The following TDRD10 variants were observed in gnomAD, a reference collection of about 807,000 sequenced individuals.
TDRD10 encodes the protein tudor domain containing 10.
In TDRD10, 40 loss-of-function variants were observed where a neutral mutation model predicts 48.0. That is an observed-to-expected ratio of 0.83 (90% CI 0.65 to 1.09). TDRD10 has a LOEUF of 1.09. TDRD10 is among the 50% of genes least tolerant of loss of function. TDRD10 has a pLI of 0.00. For missense variants in TDRD10, 378 were observed against 434.7 expected, an observed-to-expected ratio of 0.87 and a Z score of 1.16; for synonymous variants, 162 against 170.4, an observed-to-expected ratio of 0.95 and a Z score of 0.38.
At chr1:154,521,660 T>C (rs903161238) in intron 6 of TDRD10, among the ~76,000 whole-genome samples, 181 bp downstream of exon 6, 15 of 152,194 alleles carry the variant, frequency 9.9e-5, no homozygotes, top group African/African-American at 3.6e-4. Flanking sequence ...AGGTCAGATG[T>C]GGAAAACTTG....
intron 3 of TDRD10, among the ~76,000 whole-genome samples, chr1:154,507,811 T>C (rs546423259): frequency 1.3e-5 from 2 of 152,320 alleles, no homozygotes; most frequent in African/African-American, 4.8e-5. Flanking sequence ...GTCCTGGCTA[T>C]GAGCAATTTC....
rs921684934 is a variant in TDRD10, at chr1:154,533,371, T to C, written c.370-8653T>C. Among the ~76,000 whole-genome samples, 74 of 136,022 alleles carry C rather than the reference T, an allele frequency of 5.4e-4. 1 individual carries two copies. The East Asian group carries it at 9.7e-3, about 18-fold the overall frequency. 89.2% of individuals were successfully genotyped at this position (136,022 alleles called of 152,430 possible). A position where few individuals can be genotyped will look rare whatever the true frequency, so the allele number is the denominator to read the frequency against. On this transcript the variant is annotated intron_variant, in intron 6 of 12. Transcript: ENST00000368482. ...TTGTTGGGTTTTTTTTTTTTTTTTT[T>C]CTGGACCTACTGGTGTTTCTGGGTT...
chr1:154,525,696 C>A (rs111623063), intron 6 of TDRD10, among the ~76,000 whole-genome samples: 10,427 of 152,176 alleles, frequency 0.069, 1,220 homozygotes, highest in African/African-American at 0.24. Context: ...GAGTTCAAGA[C>A]CAGCCTAGCC....
chr1:154,530,398 C>CTTT (rs111392341), intron 6 of TDRD10, among the ~76,000 whole-genome samples: 5 of 120,778 alleles, frequency 4.1e-5, no homozygotes, highest in Non-Finnish European at 5.3e-5. Context: ...TGGTTTCCTT[C>CTTT]TTTTTTTTTT....
intron 6 of TDRD10, among the ~76,000 whole-genome samples, chr1:154,529,935 T>C (rs1694520347): frequency 6.6e-6 from 1 of 152,244 alleles, no homozygotes. Context: ...TTAGGGTAGG[T>C]CTGCTAGTAA....
chr1:154,517,795 C>G (rs1693856230), intron 4 of TDRD10, among the ~76,000 whole-genome samples: 1 of 152,078 alleles, frequency 6.6e-6, no homozygotes, highest in Non-Finnish European at 1.5e-5. Flanking sequence ...TTTTTGCTTC[C>G]TCAAGCAGAG....
At position 154,542,063 on chromosome 1, in the gene TDRD10, G is replaced by T; in HGVS notation, c.409G>T (p.Ala137Ser). 3 of 1,613,794 alleles carry T rather than the reference G, an allele frequency of 1.9e-6. No homozygotes were observed. The South Asian group carries it at 3.3e-5, about 18-fold the overall frequency. ...TTCTGGTGAAGGATTTGGCAAAACC[G>T]CCGGTGAGATTCTGCGCTGCCATCC... ...KASGEGFGKT[A>S]AIIQLAPKAP... The change falls in exon 7 of 13, where the codon GCC becomes TCC. Residue 137 changes from alanine (A) to serine (S), a missense_variant. By Grantham distance (99) the Ala-to-Ser change is moderately conservative. This residue lies in a region of TDRD10 where 310 missense variants were observed against 323.6 expected (regional missense o/e 0.96). Coordinates refer to ENST00000368482, the MANE Select transcript of TDRD10 (RefSeq NM_182499.4).
At chr1:154,507,151 T>C in intron 2 of TDRD10, 90 bp from the exon 3 acceptor site, 1 of 1,571,458 alleles carries the variant, frequency 6.4e-7, no homozygotes, top group Non-Finnish European at 8.6e-7. Flanking sequence ...AATGGAGGTT[T>C]ATGCAAGGCC....
rs544156516 is a variant in TDRD10 at position 154,543,141 on chromosome 1, G to C, written c.503+320G>C. 2.6e-5 allele frequency among the ~76,000 whole-genome samples: 4 copies of C among 152,272 alleles called. No individual in the cohort carries two copies. In the South Asian group the frequency reaches 8.3e-4, roughly 32 times the overall value. On this transcript the variant is annotated intron_variant, in intron 8 of 12. Coordinates refer to ENST00000368482, the MANE Select transcript of TDRD10 (RefSeq NM_182499.4). ...AAATAAAAAATTAGCCGGGCATGGT[G>C]GTGGGCATCTGTAGTCCCAGCTACT... is the stretch of plus-strand genomic sequence containing the variant.
chr1:154,506,790 A>T (rs1245884942), intron 1 of TDRD10, 87 bp from the exon 2 acceptor site: 8 of 1,196,406 alleles, frequency 6.7e-6, no homozygotes, highest in Non-Finnish European at 7.5e-6. Flanking sequence ...GGGAGGCATT[A>T]TTCTGCTTAC....
chr1:154,521,460 A>C lies in TDRD10; in HGVS notation c.350A>C (p.Gln117Pro), dbSNP rs1311384839. The C allele has an allele frequency of 6.2e-7, 1 of 1,614,034 alleles. No individual in the cohort carries two copies. The highest frequency in any genetic ancestry group is 1.1e-5 in the South Asian group (1 of 91,076). The change falls in exon 6 of 13, where the codon CAG (glutamine) becomes CCG (proline). Residue 117 changes from glutamine to proline, a missense_variant. Transcript: ENST00000368482. Reference protein sequence around the residue: ...RPPKRTPDMIQQPRAPLVLEK... With the variant: ...RPPKRTPDMIPQPRAPLVLEK... ...CCCAAGAGGACCCCTGATATGATCC[A>C]GCAGCCTCGGGCCCCGCTGGTATGT...
intron 1 of TDRD10, among the ~76,000 whole-genome samples, chr1:154,506,289 G>A (rs1693147806): frequency 6.6e-6 from 1 of 151,802 alleles, no homozygotes; most frequent in Non-Finnish European, 1.5e-5. Context: ...ATGGCTTGCG[G>A]CCCCTTCCTC....
intron 6 of TDRD10, among the ~76,000 whole-genome samples, chr1:154,535,734 G>A (rs73023331): frequency 0.19 from 29,638 of 152,134 alleles, 3,116 homozygotes; most frequent in South Asian, 0.23. Flanking sequence ...CAAAAAATGT[G>A]TGCCCCATGT....
chr1:154,508,868 T>G (rs7515974), intron 4 of TDRD10, among the ~76,000 whole-genome samples: 140,882 of 152,220 alleles, frequency 0.93, 66,214 homozygotes, highest in East Asian at 1. Flanking sequence ...ATTTGACTGT[T>G]AAATGAGCTG....
intron 4 of TDRD10, among the ~76,000 whole-genome samples, chr1:154,512,608 T>C (rs2149317044): frequency 6.6e-6 from 1 of 152,230 alleles, no homozygotes. Flanking sequence ...CCTCCCAAAG[T>C]GCGGGGATTA....
intron 6 of TDRD10, among the ~76,000 whole-genome samples, chr1:154,536,244 C>T (rs1226355963): frequency 6.6e-6 from 1 of 152,156 alleles, no homozygotes; most frequent in East Asian, 1.9e-4. Context: ...GGCGTGGTGG[C>T]ACATGCCTGT....
intron 8 of TDRD10, among the ~76,000 whole-genome samples, chr1:154,543,748 C>G (rs1570987403): frequency 6.6e-6 from 1 of 152,228 alleles, no homozygotes; most frequent in Middle Eastern, 3.4e-3. Context: ...ACCCCTACGC[C>G]CCCAGAATGG....
intron 6 of TDRD10, among the ~76,000 whole-genome samples, chr1:154,524,466 C>T (rs1364958225): frequency 1.3e-5 from 2 of 152,086 alleles, no homozygotes; most frequent in African/African-American, 4.8e-5. Flanking sequence ...GCCACTGCAC[C>T]CAGCCTATAG....
rs1328336068 is a variant in TDRD10 at position 154,508,453 on chromosome 1, T to C, written c.113T>C (p.Val38Ala). 2 of 1,611,216 alleles carry C rather than the reference T, an allele frequency of 1.2e-6. No homozygotes were observed. The highest frequency in any genetic ancestry group is 1.1e-5 in the South Asian group (1 of 91,024). ...GFKKRETEVY[V>A]GNLPLDISKE... Reference sequence around the variant, plus strand: ...AAGAAAAGAGAGACAGAGGTGTATGTTGGCAATCTTCCACTGGATATTTCT... The same window carrying C: ...AAGAAAAGAGAGACAGAGGTGTATGCTGGCAATCTTCCACTGGATATTTCT... Residue 38 changes from valine (V) to alanine (A), a missense_variant, in exon 4 of 13, where the codon GTT becomes GCT. Around this residue, in one of 2 missense-constraint regions of TDRD10, gnomAD observed 310 missense variants for 323.6 expected, o/e 0.96. Coordinates refer to ENST00000368482, the MANE Select transcript of TDRD10 (RefSeq NM_182499.4).
Sources: gnomAD v4.1 joint callset for allele counts (sites outside exome capture counted in the v4.1 genomes callset) on GRCh38, gnomAD v4.1.1 for gene constraint, gnomAD v4.1.1 regional missense constraint, MANE v1.5 for transcripts, NCBI Gene and HGNC (gene_info 2026-07-23, HGNC 2026-07-21) for gene names.